The following MAP4K2 variants were observed in gnomAD, a reference collection of about 807,000 sequenced individuals.
The protein encoded by MAP4K2 is B lymphocyte serine/threonine protein kinase.
MAP4K2 carries 85 observed loss-of-function variants against 125.3 expected under a neutral mutation model. That is an observed-to-expected ratio of 0.68 (90% confidence interval 0.57 to 0.81). The LOEUF (loss-of-function observed/expected upper bound fraction) is 0.81. Ranked by LOEUF, MAP4K2 falls within the 40% of genes least tolerant of loss-of-function variation. The probability of loss-of-function intolerance (pLI) is 0.00; values close to 1 mark genes in which losing one functional copy is unlikely to be tolerated. For missense variants in MAP4K2, 923 were observed against 1,056.4 expected (o/e 0.87, Z 1.75); for synonymous variants, 479 against 445.1 (o/e 1.08, Z -0.96).
chr11:64,796,081 T>G (rs1940777316), intron 24 of MAP4K2, among the ~76,000 whole-genome samples, 192 bp downstream of exon 24: 1 of 152,154 alleles, frequency 6.6e-6, no homozygotes, highest in Admixed American at 6.5e-5. Context: ...ACATCCACTG[T>G]CTCCTTCTTG....
In MAP4K2 at chr11:64,786,075, G is replaced by T. The variant is rs571190303; in HGVS notation, c.*3462C>A. On this transcript the variant is annotated 3_prime_UTR_variant, in exon 32 of 32. Transcript: ENST00000294066. ...CCCATCCCACACTCCTCTCAGGGAC[G>T]ACCATCTCAGATTTTGTGCTTTTCC... The T allele has an allele frequency of 6.6e-6, 1 of 152,084 alleles. No homozygotes were observed. Among genetic ancestry groups the T allele is most frequent in the Non-Finnish European group, 1.5e-5 (1 of 68,014 alleles). The allele number at this position is 152,084 out of a possible 1,614,324, so 9.4% of individuals were successfully genotyped here.
chr11:64,792,521 CAAGT>C, intron 24 of MAP4K2, 99 bp from the exon 25 acceptor site: 2 of 971,578 alleles, frequency 2.1e-6, no homozygotes, highest in Non-Finnish European at 3.2e-6. Context: ...TCCCTCTTTA[CAAGT>C]AAGGGACTGA....
chr11:64,790,976 T>A (rs557160436), intron 27 of MAP4K2, among the ~76,000 whole-genome samples: 20 of 152,084 alleles, frequency 1.3e-4, no homozygotes, highest in African/African-American at 3.9e-4. Flanking sequence ...TTTCTACTAA[T>A]AATACAAAAC....
intron 27 of MAP4K2, 78 bp downstream of exon 27, chr11:64,791,831 C>G: frequency 7.1e-7 from 1 of 1,415,940 alleles, no homozygotes; most frequent in Non-Finnish European, 9.3e-7. Flanking sequence ...AGTTTGGGAG[C>G]CTTGGCCCTC....
chr11:64,796,379 G>A lies in MAP4K2; in HGVS notation c.1645C>T (p.His549Tyr). Residue 549 changes from histidine to tyrosine, a missense_variant, in exon 24 of 32, where the codon CAC becomes TAC. Around this residue, in one of 2 missense-constraint regions of MAP4K2, gnomAD observed 833 missense variants for 911.4 expected, o/e 0.91. Coordinates refer to ENST00000294066, the MANE Select transcript of MAP4K2 (RefSeq NM_004579.5). ...VLLSLSGKST[H>Y]IWAHDLPGLF... is the part of the protein sequence containing the mutation. ...CCTGGGAGGTCATGGGCCCAGATGT[G>A]CGTGGATTTCCCTGCAGAAACAGGA... 1 of 1,606,270 alleles carries A rather than the reference G, an allele frequency of 6.2e-7. No homozygotes were observed. The highest frequency in any genetic ancestry group is 8.5e-7 in the Non-Finnish European group (1 of 1,175,544).
rs1941078807 is a variant in MAP4K2 at position 64,800,228 on chromosome 11, G to A, written c.808-12C>T. ...GTCGTGAACGGGTGCTGGAAAGTGG[G>A]GGAGGGGGGTGATCAGGTTGGCCCC... On this transcript the variant is annotated splice_polypyrimidine_tract_variant and intron_variant, in intron 11 of 31. Coordinates refer to ENST00000294066, the MANE Select transcript of MAP4K2 (RefSeq NM_004579.5). The A allele has an allele frequency of 6.2e-7, 1 of 1,612,496 alleles. No individual in the cohort carries two copies. The highest frequency in any genetic ancestry group is 1.7e-5 in the Admixed American group (1 of 59,984).
At chr11:64,791,791 C>T (rs1251553340) in intron 27 of MAP4K2, 118 bp downstream of exon 27, 5 of 1,133,356 alleles carry the variant, frequency 4.4e-6, no homozygotes, top group Non-Finnish European at 6.0e-6. Flanking sequence ...CCCTCAAGGT[C>T]TCTGTGGAGC....
rs560780314 is a variant in MAP4K2 at position 64,800,317 on chromosome 11, G to A, written c.801C>T (p.Leu267=). The change falls in exon 11 of 32, where the codon CTC becomes CTT. Residue 267 remains leucine (L), a synonymous_variant. Transcript: ENST00000294066. ...CCGGCCCCCTGCCTCCCACCTGCAG[G>A]AGCTTCTCTGCTGTCGGCCTCTTCT... ...NPKKRPTAEK[L]LQHPFTTQQL... 5 of 1,614,082 alleles carry A rather than the reference G, an allele frequency of 3.1e-6. No individual in the cohort carries two copies. The South Asian group carries it at 5.5e-5, about 18-fold the overall frequency.
chr11:64,801,535 G>A, intron 7 of MAP4K2, 44 bp downstream of exon 7: 1 of 1,609,680 alleles, frequency 6.2e-7, no homozygotes, highest in Non-Finnish European at 8.5e-7. Flanking sequence ...AGCCGGGGAG[G>A]GTCCACAGAG....
At chr11:64,800,479 G>A (rs1302921853) in intron 10 of MAP4K2, 87 bp from the exon 11 acceptor site, 9 of 1,437,106 alleles carry the variant, frequency 6.3e-6, no homozygotes, top group East Asian at 4.6e-5. Flanking sequence ...CCCCTCCAGA[G>A]GCGTCTGCTG....
rs74747562 is a variant in MAP4K2, at chr11:64,800,293, C to T, written c.807+18G>A. ...GCTTTTGAGTACTGGGCCTCTCTCC[C>T]GGCCCCCTGCCTCCCACCTGCAGGA... On this transcript the variant is annotated intron_variant, in intron 11 of 31. Transcript: ENST00000294066. 4.5e-5 allele frequency: 72 copies of T among 1,613,634 alleles called. No homozygotes were observed. In the East Asian group the frequency reaches 1.4e-3, roughly 32 times the overall value.
At chr11:64,794,203 C>T (rs551445301) in intron 24 of MAP4K2, among the ~76,000 whole-genome samples, 1 of 152,334 alleles carries the variant, frequency 6.6e-6, no homozygotes, top group Non-Finnish European at 1.5e-5. Context: ...TCAGCTCCCC[C>T]TGAAACTGCT....
rs1449931696 is a variant in MAP4K2, at chr11:64,796,893, T to A, written c.1408A>T (p.Met470Leu). The change falls in exon 21 of 32, where the codon ATG (methionine) becomes TTG (leucine). Residue 470 changes from methionine to leucine, a missense_variant and splice_region_variant. Transcript: ENST00000294066. ...AAGACCTTGGAGAAGCAGGCGCCCATCTGCAGAGGAGGCAAGAGGCTGGCG... is the reference window on the plus strand; with the variant it reads ...AAGACCTTGGAGAAGCAGGCGCCCAACTGCAGAGGAGGCAAGAGGCTGGCG... ...HGLPPTPKVH[M>L]GACFSKVFNG... 1.2e-6 allele frequency: 2 copies of A among 1,613,768 alleles called. No homozygotes were observed. Among genetic ancestry groups the A allele is most frequent in the Non-Finnish European group, 1.7e-6 (2 of 1,180,028 alleles).
Position 64,801,158 on chromosome 11 carries a change from C to T in MAP4K2, c.483G>A (p.Leu161=). ...KLADFGVSGE[L]TASVAKRRSF... ...ACCTCCTCTTGGCCACAGACGCTGTCAGCTCGCCTGACACCCCAAAGTCAG... is the reference window on the plus strand; with the variant it reads ...ACCTCCTCTTGGCCACAGACGCTGTTAGCTCGCCTGACACCCCAAAGTCAG... The change falls in exon 8 of 32, where the codon CTG becomes CTA. Residue 161 remains leucine (L), a synonymous_variant. Transcript: ENST00000294066. The T allele has an allele frequency of 6.2e-7, 1 of 1,613,338 alleles. No individual in the cohort carries two copies. Among genetic ancestry groups the T allele is most frequent in the Non-Finnish European group, 8.5e-7 (1 of 1,179,952 alleles).
intron 5 of MAP4K2, 76 bp from the exon 6 acceptor site, chr11:64,801,833 G>A: frequency 6.6e-7 from 1 of 1,520,732 alleles, no homozygotes; most frequent in Non-Finnish European, 9.0e-7. Flanking sequence ...TCAGGACTGG[G>A]GCCCCCCACT....
Position 64,797,360 on chromosome 11 carries a change from A to G in MAP4K2, c.1191T>C (p.Asp397=), listed in dbSNP as rs746750161. 4 of 1,592,768 alleles carry G rather than the reference A, an allele frequency of 2.5e-6. No individual in the cohort carries two copies. In the African/African-American group the frequency reaches 4.0e-5, roughly 16 times the overall value. ...GGGCCCGCTTGATGGTTCCCATGGT[A>G]TCGTCTGGGGAGTCCAGCTCCTGGT... The part of the protein sequence containing the change: ...SEFQELDSPD[D]TMGTIKRAPF... Residue 397 remains aspartate (D), a synonymous_variant, in exon 18 of 32, where the codon GAT becomes GAC. Coordinates refer to ENST00000294066, the MANE Select transcript of MAP4K2 (RefSeq NM_004579.5).
rs555975348 is a variant in MAP4K2 at position 64,793,583 on chromosome 11, C to T, written c.1752-1161G>A. On this transcript the variant is annotated intron_variant, in intron 24 of 31. Coordinates refer to ENST00000294066, the MANE Select transcript of MAP4K2 (RefSeq NM_004579.5). ...TTCCTGTCAGCAGCCCTGCCACCTCCACCCAGTGGCCCATGTCCTGTTTGT... is the reference window on the plus strand; with the variant it reads ...TTCCTGTCAGCAGCCCTGCCACCTCTACCCAGTGGCCCATGTCCTGTTTGT... Among the ~76,000 whole-genome samples the T allele has an allele frequency of 2.0e-5, 3 of 152,298 alleles. No homozygotes were observed. In the South Asian group the frequency reaches 6.2e-4, roughly 32 times the overall value.
At chr11:64,799,987 C>G in intron 12 of MAP4K2, 122 bp downstream of exon 12, 1 of 841,418 alleles carries the variant, frequency 1.2e-6, no homozygotes, top group Non-Finnish European at 1.9e-6. Flanking sequence ...AATGGGAGGG[C>G]TCAGCTGAGG....
At chr11:64,789,695 G>C (rs1940358614) in intron 31 of MAP4K2, 35 bp downstream of exon 31, 3 of 1,613,834 alleles carry the variant, frequency 1.9e-6, no homozygotes, top group Non-Finnish European at 2.5e-6. Context: ...GGCCTCAGGG[G>C]CATCTGAAGG....
Sources: gnomAD v4.1 joint callset for allele counts (sites outside exome capture counted in the v4.1 genomes callset) on GRCh38, gnomAD v4.1.1 for gene constraint, gnomAD v4.1.1 regional missense constraint, MANE v1.5 for transcripts, NCBI Gene and HGNC (gene_info 2026-07-23, HGNC 2026-07-21) for gene names.